RAB33A: variants seen among roughly 807,000 people sequenced by gnomAD.
RAB33A encodes the protein ras-related protein Rab-33A.
In RAB33A, 6 loss-of-function variants were observed where a neutral mutation model predicts 12.0. The observed-to-expected ratio is 0.50, with a 90% CI of 0.27 to 0.99. The LOEUF (loss-of-function observed/expected upper bound fraction) is 0.99, where lower values mean the gene tolerates loss of function less well. RAB33A is among the 50% of genes least tolerant of loss of function. RAB33A has a pLI of 0.11. For missense variants in RAB33A, 109 were observed against 192.0 expected (o/e 0.57, Z 2.55); for synonymous variants, 70 against 82.4 (o/e 0.85, Z 0.81).
chrX:130,136,563 G>A, the RAB33A span: 1 of 875,365 alleles, frequency 1.1e-6, no homozygotes, highest in Non-Finnish European at 1.7e-6. Flanking sequence ...ATCTACTGGT[G>A]TCAAATGAAG....
the RAB33A span, chrX:130,129,820 T>C: frequency 1.6e-5 from 13 of 827,188 alleles, no homozygotes; most frequent in Non-Finnish European, 2.2e-5. Context: ...TGAAAAAGAA[T>C]GTTCCTGAGC....
chrX:130,173,086 G>C (rs776935793), intron 1 of RAB33A, among the ~76,000 whole-genome samples: 3 of 111,850 alleles, frequency 2.7e-5, no homozygotes, highest in Non-Finnish European at 5.6e-5. Flanking sequence ...TGACTTAACC[G>C]AGGGCCAGGG....
At chrX:130,117,686 G>A in the RAB33A span, among the ~76,000 whole-genome samples, 1 of 113,029 alleles carries the variant, frequency 8.8e-6, no homozygotes, top group Non-Finnish European at 1.9e-5. Context: ...TGGAGCCAAA[G>A]CTCAGCCTGC....
the RAB33A span, among the ~76,000 whole-genome samples, chrX:130,116,387 G>C: frequency 9.0e-6 from 1 of 110,802 alleles, no homozygotes; most frequent in East Asian, 2.8e-4. Flanking sequence ...TCCGCTTCCC[G>C]GGTTCAAGTG....
At chrX:130,135,001 C>G in the RAB33A span, among the ~76,000 whole-genome samples, 1 of 111,104 alleles carries the variant, frequency 9.0e-6, no homozygotes, top group Admixed American at 9.6e-5. Context: ...GAAGGAAATA[C>G]ACCAAAATAT....
chrX:130,177,299 A>AC (rs1184069985), intron 1 of RAB33A, among the ~76,000 whole-genome samples: 64 of 112,622 alleles, frequency 5.7e-4, no homozygotes, highest in Non-Finnish European at 7.9e-4. Flanking sequence ...CCTTTCTGAG[A>AC]CCAGAGCAAC....
chrX:130,163,741 A>G, the RAB33A span, among the ~76,000 whole-genome samples: 1 of 112,371 alleles, frequency 8.9e-6, no homozygotes, highest in Non-Finnish European at 1.9e-5. Context: ...AAATCAACTT[A>G]ACTTTGCAAA....
chrX:130,184,218 C>G, intron 1 of RAB33A, 67 bp from the exon 2 acceptor site: 1 of 1,020,688 alleles, frequency 9.8e-7, no homozygotes, highest in Non-Finnish European at 1.4e-6. Flanking sequence ...TGCTACAGAA[C>G]CATGTTTTCT....
chrX:130,180,475 G>A (rs2031712071), intron 1 of RAB33A, among the ~76,000 whole-genome samples: 1 of 110,795 alleles, frequency 9.0e-6, no homozygotes, highest in South Asian at 3.9e-4. Flanking sequence ...TTTATTTTGA[G>A]ATGGAGTTTA....
chrX:130,126,441 G>A, the RAB33A span, among the ~76,000 whole-genome samples: 2 of 108,957 alleles, frequency 1.8e-5, no homozygotes, highest in African/African-American at 6.7e-5. Context: ...GCAGTGAGCT[G>A]AGATCACCCA....
upstream of RAB33A, among the ~76,000 whole-genome samples, chrX:130,171,141 C>T (rs972354578): frequency 8.8e-6 from 1 of 113,329 alleles, no homozygotes; most frequent in Non-Finnish European, 1.9e-5. Flanking sequence ...AACAGTTACA[C>T]CCCCTACACA....
chrX:130,183,552 C>T (rs1168875553), intron 1 of RAB33A, among the ~76,000 whole-genome samples: 1 of 107,845 alleles, frequency 9.3e-6, no homozygotes, highest in African/African-American at 3.5e-5. Context: ...GAGACACGGT[C>T]TCAAAAAAAA....
chrX:130,125,819 A>C, the RAB33A span, among the ~76,000 whole-genome samples: 2 of 111,923 alleles, frequency 1.8e-5, no homozygotes, highest in Non-Finnish European at 3.8e-5. Context: ...CAACAAAAAA[A>C]ATCACAAATG....
the RAB33A span, among the ~76,000 whole-genome samples, chrX:130,159,209 A>G: frequency 9.0e-6 from 1 of 111,695 alleles, no homozygotes; most frequent in African/African-American, 3.3e-5. Context: ...TGAAAACTTG[A>G]TAGTCTTAAA....
the RAB33A span, among the ~76,000 whole-genome samples, chrX:130,151,451 T>C: frequency 9.0e-6 from 1 of 111,376 alleles, no homozygotes; most frequent in South Asian, 3.8e-4. Flanking sequence ...ATAAAACATA[T>C]TCTAAGAATA....
chrX:130,156,751 T>C, the RAB33A span: 1 of 654,522 alleles, frequency 1.5e-6, no homozygotes, highest in Non-Finnish European at 2.4e-6. Flanking sequence ...CAAAACTGCA[T>C]ATATAAATAC....
At chrX:130,125,078 T>TA in the RAB33A span, among the ~76,000 whole-genome samples, 1,286 of 111,684 alleles carry the variant, frequency 0.012, 14 homozygotes, top group African/African-American at 0.039. Context: ...GGTCACAGAG[T>TA]AGCCTTGTAT....
the RAB33A span, among the ~76,000 whole-genome samples, chrX:130,148,940 T>TA: frequency 9.9e-6 from 1 of 101,245 alleles, no homozygotes; most frequent in Non-Finnish European, 2.0e-5. Context: ...TTTTTTTTTT[T>TA]AGACAGAGTC....
At chrX:130,131,953 A>G in the RAB33A span, among the ~76,000 whole-genome samples, 1 of 110,054 alleles carries the variant, frequency 9.1e-6, no homozygotes, top group Non-Finnish European at 1.9e-5. Flanking sequence ...GTTCATTGCA[A>G]CCTCTCCCTC....
Sources: gnomAD v4.1 joint callset for allele counts (sites outside exome capture counted in the v4.1 genomes callset) on GRCh38, gnomAD v4.1.1 for gene constraint, MANE v1.5 for transcripts, NCBI Gene and HGNC (gene_info 2026-07-23, HGNC 2026-07-21) for gene names.